Variants in ZNF716 observed in about 807,000 individuals in gnomAD.
The protein encoded by ZNF716 is zinc finger protein 716.
ZNF716 carries 9 observed loss-of-function variants against 13.4 expected under a neutral mutation model. The observed-to-expected ratio is 0.67, with a 90% CI of 0.41 to 1.18. The LOEUF (loss-of-function observed/expected upper bound fraction) is 1.18. ZNF716 is among the 50% of genes most tolerant of loss of function. The probability of loss-of-function intolerance (pLI) is 0.01; values close to 1 mark genes in which losing one functional copy is unlikely to be tolerated. For missense variants in ZNF716, 581 were observed against 576.6 expected (o/e 1.01, Z -0.08); for synonymous variants, 186 against 195.2 (o/e 0.95, Z 0.39).
chr7:57,454,958 G>A (rs868985684), intron 1 of ZNF716, among the ~76,000 whole-genome samples: 10 of 151,988 alleles, frequency 6.6e-5, no homozygotes, highest in Middle Eastern at 3.4e-3. Flanking sequence ...CCCAGGAGGC[G>A]GAGCTTGCAG....
chr7:57,463,437 A>C (rs1789744907), intron 3 of ZNF716, among the ~76,000 whole-genome samples: 1 of 152,192 alleles, frequency 6.6e-6, no homozygotes, highest in African/African-American at 2.4e-5. Context: ...GGGACTGCAA[A>C]AACTGACTGC....
intron 3 of ZNF716, among the ~76,000 whole-genome samples, chr7:57,467,375 T>C (rs1386788719): frequency 7.9e-5 from 12 of 152,156 alleles, no homozygotes; most frequent in African/African-American, 2.9e-4. Flanking sequence ...TGGAAGGACC[T>C]CTTTTCAGCA....
chr7:57,450,355 G>A, intron 1 of ZNF716, 28 bp downstream of exon 1: 2 of 1,613,982 alleles, frequency 1.2e-6, no homozygotes, highest in African/African-American at 1.3e-5. Context: ...CACCGTGAGA[G>A]AGGGGTGGGG....
chr7:57,472,912 T>G lies in ZNF716; in HGVS notation c.*2963T>G, dbSNP rs1371201032. 1 of 152,200 alleles carries G rather than the reference T, an allele frequency of 6.6e-6. No homozygotes were observed. The highest frequency in any genetic ancestry group is 1.5e-5 in the Non-Finnish European group (1 of 68,040). The allele number at this position is 152,200 out of a possible 1,614,324, so 9.4% of individuals were successfully genotyped here. On this transcript the variant is annotated 3_prime_UTR_variant, in exon 4 of 4. Coordinates refer to ENST00000420713, the MANE Select transcript of ZNF716 (RefSeq NM_001159279.1). Reference sequence around the variant, plus strand: ...GGCATATATGAGATATGTTAACACATGCACATAATATTTAATGATCACAAC... The same window carrying G: ...GGCATATATGAGATATGTTAACACAGGCACATAATATTTAATGATCACAAC...
In ZNF716 at chr7:57,472,271, A is replaced by C. The variant is rs1554325400; in HGVS notation, c.*2322A>C. On this transcript the variant is annotated 3_prime_UTR_variant, in exon 4 of 4. Coordinates refer to ENST00000420713, the MANE Select transcript of ZNF716 (RefSeq NM_001159279.1). ...GGAAAACCTTTGAACGTCAGTAGTA[A>C]ATTATTTTATCAATTGTACCTTTAT... is the stretch of plus-strand genomic sequence containing the variant. 1 of 152,220 alleles carries C rather than the reference A, an allele frequency of 6.6e-6. No individual in the cohort carries two copies. Among genetic ancestry groups the C allele is most frequent in the Non-Finnish European group, 1.5e-5 (1 of 68,034 alleles). 9.4% of individuals were successfully genotyped at this position (152,220 alleles called of 1,614,324 possible).
chr7:57,468,906 T>A lies in ZNF716; in HGVS notation c.445T>A (p.Leu149Met), dbSNP rs200462933. The change falls in exon 4 of 4, where the codon TTG (leucine) becomes ATG (methionine). Residue 149 changes from leucine (L) to methionine (M), a missense_variant. By Grantham distance (15) the Leu-to-Met change is conservative. Coordinates refer to ENST00000420713, the MANE Select transcript of ZNF716 (RefSeq NM_001159279.1). Reference protein sequence around the residue: ...KGGYNYVNQCLSATQNKTFQT... With the variant: ...KGGYNYVNQCMSATQNKTFQT... The stretch of plus-strand genomic sequence containing the variant: ...AGGTTATAATTATGTTAACCAATGT[T>A]TGTCAGCTACCCAAAACAAAACATT... 6.2e-7 allele frequency: 1 copy of A among 1,605,528 alleles called. No individual in the cohort carries two copies. The highest frequency in any genetic ancestry group is 1.1e-5 in the South Asian group (1 of 91,040).
intron 1 of ZNF716, among the ~76,000 whole-genome samples, chr7:57,458,250 A>G (rs1415167446): frequency 6.6e-6 from 1 of 152,152 alleles, no homozygotes; most frequent in Admixed American, 6.5e-5. Context: ...CTCAATGTTT[A>G]AACAAATTTA....
intron 3 of ZNF716, among the ~76,000 whole-genome samples, chr7:57,467,934 ATTTT>A (rs1208248185): frequency 1.3e-5 from 2 of 151,812 alleles, no homozygotes; most frequent in Non-Finnish European, 2.9e-5. Flanking sequence ...AAAATTTTTT[ATTTT>A]TTTGATTGGA....
At position 57,472,228 on chromosome 7, in the gene ZNF716, T is replaced by G. The variant is rs2116431313; in HGVS notation, c.*2279T>G. The G allele has an allele frequency of 6.6e-6, 1 of 152,348 alleles. No individual in the cohort carries two copies. The highest frequency in any genetic ancestry group is 1.9e-4 in the East Asian group (1 of 5,186). 9.4% of individuals were successfully genotyped at this position (152,348 alleles called of 1,614,324 possible). A position where few individuals can be genotyped will look rare whatever the true frequency, so the allele number is the denominator to read the frequency against. ...TGTATAAGGCGAGCGTTCAGAGTAA[T>G]ATTCTAAATTCTAGTGAGGAAAACC... On this transcript the variant is annotated 3_prime_UTR_variant, in exon 4 of 4. Coordinates refer to ENST00000420713, the MANE Select transcript of ZNF716 (RefSeq NM_001159279.1).
In ZNF716 at chr7:57,468,875, C is replaced by A. The variant is rs1554324551; in HGVS notation, c.414C>A (p.His138Gln). Residue 138 changes from histidine to glutamine, a missense_variant, in exon 4 of 4, where the codon CAC becomes CAA. Transcript: ENST00000420713. Reference protein sequence around the residue: ...CCKSVGECEVHKGGYNYVNQC... With the variant: ...CCKSVGECEVQKGGYNYVNQC... ...AAAGTGTAGGTGAGTGTGAGGTGCA[C>A]AAAGGAGGTTATAATTATGTTAACC... 1 of 1,613,482 alleles carries A rather than the reference C, an allele frequency of 6.2e-7. No individual in the cohort carries two copies. The highest frequency in any genetic ancestry group is 2.2e-5 in the East Asian group (1 of 44,820).
At chr7:57,451,951 G>C (rs1426345702) in intron 1 of ZNF716, among the ~76,000 whole-genome samples, 3 of 151,690 alleles carry the variant, frequency 2.0e-5, no homozygotes, top group Non-Finnish European at 4.4e-5. Flanking sequence ...ATTTTTAATA[G>C]AGATGGGGTT....
In ZNF716 at chr7:57,469,105, G is replaced by A; in HGVS notation, c.644G>A (p.Cys215Tyr). 3 of 1,608,290 alleles carry A rather than the reference G, an allele frequency of 1.9e-6. No homozygotes were observed. Among genetic ancestry groups the A allele is most frequent in the African/African-American group, 1.3e-5 (1 of 74,894 alleles). ...CATACTAGGGAGAAGTCTTACAAAT[G>A]TGAAGAATGTGGCAAATCCTTTAAC... The part of the protein sequence containing the change: ...IIHTREKSYK[C>Y]EECGKSFNCS... Residue 215 changes from cysteine (C) to tyrosine (Y), a missense_variant, in exon 4 of 4, where the codon TGT (cysteine) becomes TAT (tyrosine). Transcript: ENST00000420713.
At chr7:57,455,805 G>A (rs988963535) in intron 1 of ZNF716, among the ~76,000 whole-genome samples, 3 of 151,940 alleles carry the variant, frequency 2.0e-5, no homozygotes, top group East Asian at 1.9e-4. Flanking sequence ...GACATGAGCC[G>A]TCGCGCCTGG....
intron 1 of ZNF716, among the ~76,000 whole-genome samples, chr7:57,452,796 T>G (rs1789520750): frequency 1.3e-5 from 2 of 152,206 alleles, no homozygotes; most frequent in Non-Finnish European, 2.9e-5. Flanking sequence ...TCAGCCACAC[T>G]TAAGGTTTTT....
At chr7:57,463,966 T>C (rs1239951215) in intron 3 of ZNF716, among the ~76,000 whole-genome samples, 8 of 145,602 alleles carry the variant, frequency 5.5e-5, no homozygotes, top group African/African-American at 2.0e-4. Context: ...CCATCCTAAT[T>C]GATGCAAGGT....
rs1554323281 is a variant in ZNF716 at position 57,462,444 on chromosome 7, T to C, written c.40-16T>C. 3.1e-6 allele frequency: 5 copies of C among 1,611,780 alleles called. No individual in the cohort carries two copies. The African/African-American group carries it at 5.4e-5, about 17-fold the overall frequency. On this transcript the variant is annotated splice_polypyrimidine_tract_variant and intron_variant, in intron 1 of 3. Transcript: ENST00000420713. Reference sequence around the variant, plus strand: ...TTCATGAGTGTTTTTTTTGTTTGTTTATTTTTTGTTTTTAGGGACTGTTGA... The same window carrying C: ...TTCATGAGTGTTTTTTTTGTTTGTTCATTTTTTGTTTTTAGGGACTGTTGA...
intron 3 of ZNF716, among the ~76,000 whole-genome samples, chr7:57,467,502 T>C (rs1172390417): frequency 3.3e-5 from 5 of 150,946 alleles, no homozygotes; most frequent in African/African-American, 1.2e-4. Context: ...ATTCTCACCA[T>C]GAAGATTTTT....
At chr7:57,454,121 C>T (rs1789544903) in intron 1 of ZNF716, among the ~76,000 whole-genome samples, 1 of 152,226 alleles carries the variant, frequency 6.6e-6, no homozygotes, top group South Asian at 2.1e-4. Context: ...GCATGAGCCA[C>T]TGCTCCTGGC....
At chr7:57,466,999 A>T (rs1228855534) in intron 3 of ZNF716, among the ~76,000 whole-genome samples, 1 of 151,996 alleles carries the variant, frequency 6.6e-6, no homozygotes, top group African/African-American at 2.4e-5. Flanking sequence ...AATAATATCG[A>T]TATTTGTCTC....
Sources: allele counts gnomAD v4.1 joint callset (sites outside exome capture counted in the v4.1 genomes callset), GRCh38; gene constraint gnomAD v4.1.1; transcripts MANE v1.5; gene names NCBI Gene and HGNC (gene_info 2026-07-23, HGNC 2026-07-21).